ZNF28: variants seen among roughly 807,000 people sequenced by gnomAD.
The protein encoded by ZNF28 is zinc finger protein 28.
A neutral mutation model predicts 7.2 loss-of-function variants in ZNF28; 5 were observed. The ratio of observed to expected loss-of-function variants is 0.70; its 90% CI spans 0.36 to 1.46. The LOEUF (loss-of-function observed/expected upper bound fraction) is 1.46, where lower values mean the gene tolerates loss of function less well. Among genes scored for constraint, ZNF28 ranks in the 40% most tolerant of loss-of-function variants. The pLI, the probability that ZNF28 is intolerant of heterozygous loss-of-function variation, is 0.03. For synonymous variants in ZNF28, 288 were observed against 292.4 expected (o/e 0.99, Z 0.15); for missense variants, 879 against 866.6 (o/e 1.01, Z -0.18).
At chr19:52,820,108 C>CTTTT (rs71183842) in intron 1 of ZNF28, among the ~76,000 whole-genome samples, 3 of 120,322 alleles carry the variant, frequency 2.5e-5, no homozygotes, top group Non-Finnish European at 5.0e-5. Flanking sequence ...TATTTAACCT[C>CTTTT]TTTTTTTTTT....
At chr19:52,811,791 G>A (rs1276767403) in intron 2 of ZNF28, among the ~76,000 whole-genome samples, 3 of 146,112 alleles carry the variant, frequency 2.1e-5, no homozygotes, top group South Asian at 2.2e-4. Context: ...CCGGCCAGCC[G>A]CCCCGTCCGG....
intron 2 of ZNF28, among the ~76,000 whole-genome samples, chr19:52,817,329 G>A (rs55996509): frequency 0.59 from 88,797 of 151,686 alleles, 27,209 homozygotes; most frequent in Non-Finnish European, 0.69. Context: ...CTGAGATCAC[G>A]CCATTGCACT....
In ZNF28 at chr19:52,800,351, C is replaced by T. The variant is rs773534171; in HGVS notation, c.1494G>A (p.Lys498=). 3 of 1,613,670 alleles carry T rather than the reference C, an allele frequency of 1.9e-6. No homozygotes were observed. The African/African-American group carries it at 4.0e-5, about 22-fold the overall frequency. The change falls in exon 4 of 4, where the codon AAG becomes AAA. Residue 498 remains lysine (K), a synonymous_variant. Coordinates refer to ENST00000457749, the MANE Select transcript of ZNF28 (RefSeq NM_006969.5). The part of the protein sequence containing the change: ...IHTGEKPYKC[K]VCDKAFRSDS... ...CACTCCGGAAAGCCTTGTCACAAAC[C>T]TTACATTTGTATGGTTTCTCTCCAG...
intron 2 of ZNF28, among the ~76,000 whole-genome samples, chr19:52,812,201 C>A (rs2063059093): frequency 7.6e-6 from 1 of 132,440 alleles, no homozygotes; most frequent in East Asian, 2.2e-4. Context: ...GGCGCTTCTG[C>A]CCGGCCGCCC....
chr19:52,820,497 C>T (rs1161656212), intron 1 of ZNF28, among the ~76,000 whole-genome samples: 1 of 152,056 alleles, frequency 6.6e-6, no homozygotes, highest in Non-Finnish European at 1.5e-5. Flanking sequence ...CTTCTCCCCT[C>T]TCTGCTCTCC....
At chr19:52,804,753 C>A (rs1187283988) in intron 3 of ZNF28, among the ~76,000 whole-genome samples, 1 of 152,160 alleles carries the variant, frequency 6.6e-6, no homozygotes, top group African/African-American at 2.4e-5. Flanking sequence ...GATCTACCCA[C>A]CTTGGTCTCT....
Position 52,800,579 on chromosome 19 carries a change from A to G in ZNF28, c.1266T>C (p.Tyr422=). 1 of 1,612,780 alleles carries G rather than the reference A, an allele frequency of 6.2e-7. No homozygotes were observed. The highest frequency in any genetic ancestry group is 8.5e-7 in the Non-Finnish European group (1 of 1,179,660). ...KCKVCDKAFA[Y]NSYLAKHSII... is the part of the protein sequence containing the mutation. ...TACTATGTTTTGCCAGGTATGAATTATATGCAAAAGCCTTGTCACAAACCT... is the reference window on the plus strand; with the variant it reads ...TACTATGTTTTGCCAGGTATGAATTGTATGCAAAAGCCTTGTCACAAACCT... The change falls in exon 4 of 4, where the codon TAT becomes TAC. Residue 422 remains tyrosine, a synonymous_variant. Transcript: ENST00000457749.
chr19:52,800,277 T>C lies in ZNF28; in HGVS notation c.1568A>G (p.Tyr523Cys). 1 of 1,607,266 alleles carries C rather than the reference T, an allele frequency of 6.2e-7. No individual in the cohort carries two copies. The change falls in exon 4 of 4, where the codon TAC becomes TGC. Residue 523 changes from tyrosine (Y) to cysteine (C), a missense_variant. Transcript: ENST00000457749. ...HQRVHTGEKPYMCNECGKVFS... is the reference protein window; with the variant it reads ...HQRVHTGEKPCMCNECGKVFS... The stretch of plus-strand genomic sequence containing the variant: ...AACCTTGCCACATTCATTACACATG[T>C]ATGGTTTCTCTCCAGTATGAACTCT...
rs1233512044 is a variant in ZNF28 at position 52,811,761 on chromosome 19, C to CG, written c.16-3629dup. 1.4e-3 allele frequency among the ~76,000 whole-genome samples: 170 copies of CG among 125,250 alleles called. 2 individuals are homozygous for CG. The highest frequency in any genetic ancestry group is 4.6e-3 in the African/African-American group (145 of 31,226). The allele number at this position is 125,250 out of a possible 152,430, so 82.2% of individuals were successfully genotyped here. ...CAGCCGCCCCGTCCGGGAGGGAGGT[C>CG]GGGGGGGTCAGCCCCCCGCCCGGCC... On this transcript the variant is annotated intron_variant, in intron 2 of 3. Transcript: ENST00000457749.
At chr19:52,817,220 A>AAATT (rs1472938591) in intron 2 of ZNF28, among the ~76,000 whole-genome samples, 1 of 152,068 alleles carries the variant, frequency 6.6e-6, no homozygotes, top group East Asian at 1.9e-4. Context: ...TAAAAATACA[A>AAATT]AATTAGCTGA....
intron 2 of ZNF28, chr19:52,810,784 A>ACAAC: frequency 2.0e-6 from 1 of 495,146 alleles, no homozygotes; most frequent in Non-Finnish European, 3.6e-6. Flanking sequence ...AAAACCCAAA[A>ACAAC]AAAACAGAAG....
rs887143112 is a variant in ZNF28, at chr19:52,798,144, GAAAA to G, written c.*1540_*1543del. On this transcript the variant is annotated 3_prime_UTR_variant, in exon 4 of 4. Transcript: ENST00000457749. Reference sequence around the variant, plus strand: ...ATCTCAAAAACAAAAACAAAAAAAAGAAAAAAGAAAGAAAGAATAGAAATGAAAA... The same window carrying G: ...ATCTCAAAAACAAAAACAAAAAAAAGAAGAAAGAAAGAATAGAAATGAAAA... 1 of 157,318 alleles carries G rather than the reference GAAAA, an allele frequency of 6.4e-6. No homozygotes were observed. The highest frequency in any genetic ancestry group is 2.4e-5 in the African/African-American group (1 of 41,358). 9.7% of individuals were successfully genotyped at this position (157,318 alleles called of 1,614,324 possible).
chr19:52,808,983 TAC>T (rs1190081907), intron 2 of ZNF28, among the ~76,000 whole-genome samples: 3 of 152,212 alleles, frequency 2.0e-5, no homozygotes, highest in Non-Finnish European at 2.9e-5. Flanking sequence ...TCAAAATATA[TAC>T]AGATGTGTGT....
intron 2 of ZNF28, among the ~76,000 whole-genome samples, chr19:52,808,772 C>T (rs182334008): frequency 4.6e-5 from 7 of 152,156 alleles, no homozygotes; most frequent in African/African-American, 1.7e-4. Context: ...GTGATCCCAC[C>T]AGGGCACTCA....
At position 52,799,873 on chromosome 19, in the gene ZNF28, T is replaced by C; in HGVS notation, c.1972A>G (p.Ser658Gly). 1 of 1,614,104 alleles carries C rather than the reference T, an allele frequency of 6.2e-7. No homozygotes were observed. The highest frequency in any genetic ancestry group is 8.5e-7 in the Non-Finnish European group (1 of 1,180,010). Residue 658 changes from serine to glycine, a missense_variant, in exon 4 of 4, where the codon AGT becomes GGT. Physicochemically the swap from Ser to Gly is moderately conservative, Grantham distance 56. Coordinates refer to ENST00000457749, the MANE Select transcript of ZNF28 (RefSeq NM_006969.5). ...TTACACTTGTAAGGTTTCTCTCCAC[T>C]ATGAAGCCTATGATGGTATACGAGG... ...SSLVYHHRLH[S>G]GEKPYKCNEC...
rs763064722 is a variant in ZNF28 at position 52,808,167 on chromosome 19, T to C, written c.16-34A>G. The C allele has an allele frequency of 8.1e-6, 13 of 1,610,998 alleles. No individual in the cohort carries two copies. In the African/African-American group the frequency reaches 9.4e-5, roughly 12 times the overall value. ...GAAACACATTTTAACCAAATGGTTA[T>C]GGTGGAGTTCTTATCTTTACAGAAA... On this transcript the variant is annotated intron_variant, in intron 2 of 3. Transcript: ENST00000457749.
intron 1 of ZNF28, among the ~76,000 whole-genome samples, 168 bp from the exon 2 acceptor site, chr19:52,818,199 G>A (rs1424442202): frequency 6.6e-6 from 1 of 152,132 alleles, no homozygotes; most frequent in African/African-American, 2.4e-5. Flanking sequence ...TCTACTCCTG[G>A]AGAAGCCCAC....
At chr19:52,810,706 T>TA (rs1211501366) in intron 2 of ZNF28, 58 of 724,092 alleles carry the variant, frequency 8.0e-5, no homozygotes, top group African/African-American at 1.8e-4. Flanking sequence ...TTCCCCTTAC[T>TA]AAAAAAAATG....
chr19:52,811,233 G>A (rs1202638574), intron 2 of ZNF28, among the ~76,000 whole-genome samples: 5 of 151,250 alleles, frequency 3.3e-5, no homozygotes, highest in Non-Finnish European at 5.9e-5. Context: ...GCGTGATCTC[G>A]GCTCACTACA....
Sources: allele counts gnomAD v4.1 joint callset (sites outside exome capture counted in the v4.1 genomes callset), GRCh38; gene constraint gnomAD v4.1.1; transcripts MANE v1.5; gene names NCBI Gene and HGNC (gene_info 2026-07-23, HGNC 2026-07-21).